The following TET3 variants were observed in gnomAD, a reference collection of about 807,000 sequenced individuals.
TET3 encodes the protein methylcytosine dioxygenase TET3.
A neutral mutation model predicts 141.4 loss-of-function variants in TET3; 19 were observed. That is an observed-to-expected ratio of 0.13 (90% CI 0.09 to 0.20). The LOEUF (loss-of-function observed/expected upper bound fraction) is 0.20. Ranked by LOEUF, TET3 falls within the 10% of genes least tolerant of loss-of-function variation. The pLI is 1.00. For synonymous variants in TET3, 1,043 were observed against 980.9 expected, an observed-to-expected ratio of 1.06 and a Z score of -1.18; for missense variants, 1,874 against 2,356.9, an observed-to-expected ratio of 0.80 and a Z score of 4.24.
At chr2:73,991,879 G>A (rs1684344240) in intron 2 of TET3, among the ~76,000 whole-genome samples, 2 of 151,808 alleles carry the variant, frequency 1.3e-5, no homozygotes, top group Middle Eastern at 3.4e-3. Context: ...GGAGAAAGGT[G>A]TTGGTGGGAC....
the TET3 span, among the ~76,000 whole-genome samples, chr2:74,124,401 G>A: frequency 2.6e-5 from 4 of 151,848 alleles, no homozygotes; most frequent in Non-Finnish European, 5.9e-5. Context: ...GGTGGGGGGC[G>A]CCTCTGCCCA....
At chr2:74,068,822 C>T (rs4852327) in intron 4 of TET3, among the ~76,000 whole-genome samples, 7 of 152,176 alleles carry the variant, frequency 4.6e-5, no homozygotes, top group African/African-American at 1.2e-4. Context: ...GAGCCATTTG[C>T]ATTTTTCAAG....
chr2:74,016,788 CTTT>C (rs1157485325), intron 3 of TET3, among the ~76,000 whole-genome samples: 21 of 122,454 alleles, frequency 1.7e-4, no homozygotes, highest in African/African-American at 2.7e-4. Flanking sequence ...GTTCTCCTGT[CTTT>C]TTTTTTTTTT....
downstream of TET3, among the ~76,000 whole-genome samples, chr2:74,108,802 A>C (rs976816307): frequency 1.3e-5 from 2 of 152,186 alleles, no homozygotes; most frequent in Non-Finnish European, 2.9e-5. Context: ...AAATTGATCC[A>C]GTGTCTTTGA....
chr2:74,076,443 T>G (rs1419677546), intron 5 of TET3, among the ~76,000 whole-genome samples: 3 of 16,674 alleles, frequency 1.8e-4, no homozygotes, highest in Admixed American at 3.7e-4. Flanking sequence ...TCCTCTGGGT[T>G]TTTTTTTTTT....
intron 1 of TET3, 99 bp downstream of exon 1, chr2:73,985,256 C>A: frequency 7.3e-6 from 1 of 136,182 alleles, no homozygotes; most frequent in South Asian, 2.2e-4. Context: ...CGGCCCGGAT[C>A]CGGCGGGGGG....
chr2:74,070,347 T>G (rs1416315829), intron 4 of TET3, among the ~76,000 whole-genome samples: 6 of 152,154 alleles, frequency 3.9e-5, no homozygotes, highest in Admixed American at 3.9e-4. Context: ...GGTTTCCCCT[T>G]ATCAAACCAT....
downstream of TET3, among the ~76,000 whole-genome samples, chr2:74,110,305 A>C (rs1472519215): frequency 2.0e-5 from 3 of 152,052 alleles, no homozygotes; most frequent in Non-Finnish European, 2.9e-5. Flanking sequence ...TTTGAATCTT[A>C]ATTTTGTCAA....
intron 4 of TET3, among the ~76,000 whole-genome samples, chr2:74,051,835 C>A (rs1218125238): frequency 6.6e-6 from 1 of 152,178 alleles, no homozygotes; most frequent in African/African-American, 2.4e-5. Context: ...TCTTAACCAC[C>A]ATGTCATATT....
At chr2:74,069,918 A>G (rs1455687605) in intron 4 of TET3, among the ~76,000 whole-genome samples, 2 of 152,022 alleles carry the variant, frequency 1.3e-5, no homozygotes, top group Non-Finnish European at 2.9e-5. Flanking sequence ...TTCTAATCAC[A>G]TTCCTCTCCC....
chr2:74,076,734 G>A (rs1339363338), intron 5 of TET3, among the ~76,000 whole-genome samples: 1 of 152,008 alleles, frequency 6.6e-6, no homozygotes, highest in Non-Finnish European at 1.5e-5. Flanking sequence ...CTGGGTAGGG[G>A]TCTAGTTTGT....
At chr2:74,094,772 G>T (rs1291941713) in intron 10 of TET3, among the ~76,000 whole-genome samples, 1 of 152,210 alleles carries the variant, frequency 6.6e-6, no homozygotes, top group African/African-American at 2.4e-5. Flanking sequence ...GCACTCCAAG[G>T]CTTTTTGCTT....
Position 74,093,059 on chromosome 2 carries a change from G to A in TET3, c.3129+68G>A. On this transcript the variant is annotated intron_variant, in intron 9 of 11. Coordinates refer to ENST00000409262, the MANE Select transcript of TET3 (RefSeq NM_001287491.2). This position sits in a 1 kb window ranked among gnomAD's most constrained non-coding sequence, Gnocchi z 4.2. ...ACATCTCTGCTCAGGCTCTGAAGGT[G>A]GGAAGTGGGAGAGTGGGCTCTTTTA... 1.4e-6 allele frequency: 2 copies of A among 1,425,874 alleles called. No individual in the cohort carries two copies. The highest frequency in any genetic ancestry group is 1.2e-5 in the South Asian group (1 of 81,326). The allele number at this position is 1,425,874 out of a possible 1,614,324, so 88.3% of individuals were successfully genotyped here. A position where few individuals can be genotyped will look rare whatever the true frequency, so the allele number is the denominator to read the frequency against.
At position 74,034,594 on chromosome 2, in the gene TET3, A is replaced by C. The variant is rs1049997627; in HGVS notation, c.361-11684A>C. 1.8e-3 allele frequency among the ~76,000 whole-genome samples: 269 copies of C among 148,306 alleles called. 1 individual carries two copies. The highest frequency in any genetic ancestry group is 6.5e-3 in the African/African-American group (255 of 39,218). Reference sequence around the variant, plus strand: ...ATTGATTAAAAAAAAAAAAAAAAAAACCCTGTTGTAGATTCTGGGATTCAT... The same window carrying C: ...ATTGATTAAAAAAAAAAAAAAAAAACCCCTGTTGTAGATTCTGGGATTCAT... On this transcript the variant is annotated intron_variant, in intron 3 of 11. Coordinates refer to ENST00000409262, the MANE Select transcript of TET3 (RefSeq NM_001287491.2).
At chr2:74,044,601 G>A (rs143671660) in intron 3 of TET3, among the ~76,000 whole-genome samples, 3 of 152,314 alleles carry the variant, frequency 2.0e-5, no homozygotes, top group African/African-American at 7.2e-5. Flanking sequence ...AGCCTCAGTC[G>A]TTTACCTTGG....
chr2:74,012,974 T>C (rs1003624615), intron 3 of TET3, among the ~76,000 whole-genome samples: 1 of 151,924 alleles, frequency 6.6e-6, no homozygotes, highest in African/African-American at 2.4e-5. Flanking sequence ...ATTCTTTGAA[T>C]ATACTATACT....
At position 74,048,013 on chromosome 2, in the gene TET3, C is replaced by G; in HGVS notation, c.2096C>G (p.Pro699Arg). ...MTALQPGSTG[P>R]LPPADDKLEE... ...GCCTTGCAGCCAGGCTCCACTGGCCCTCTTCCCCCTGCCGATGACAAGCTG... is the reference window on the plus strand; with the variant it reads ...GCCTTGCAGCCAGGCTCCACTGGCCGTCTTCCCCCTGCCGATGACAAGCTG... The change falls in exon 4 of 12, where the codon CCT becomes CGT. Residue 699 changes from proline to arginine, a missense_variant. This residue lies in a region of TET3 where 484 missense variants were observed against 462.2 expected (regional missense o/e 1.05). Transcript: ENST00000409262. 6.2e-7 allele frequency: 1 copy of G among 1,608,914 alleles called. No individual in the cohort carries two copies. The highest frequency in any genetic ancestry group is 8.5e-7 in the Non-Finnish European group (1 of 1,177,328).
intron 4 of TET3, among the ~76,000 whole-genome samples, chr2:74,059,547 G>A (rs760722319): frequency 6.6e-6 from 1 of 152,200 alleles, no homozygotes; most frequent in African/African-American, 2.4e-5. Flanking sequence ...GAGCCACCAT[G>A]CCTGACCTAT....
chr2:74,118,998 T>A, the TET3 span, among the ~76,000 whole-genome samples: 1 of 152,206 alleles, frequency 6.6e-6, no homozygotes, highest in Admixed American at 6.5e-5. Context: ...GCATGTAAGT[T>A]GTAGTTTCTT....
Sources: gnomAD v4.1 joint callset for allele counts (sites outside exome capture counted in the v4.1 genomes callset) on GRCh38, gnomAD v4.1.1 for gene constraint, gnomAD v4.1.1 regional missense constraint, Gnocchi (gnomAD v3.1) non-coding constraint, MANE v1.5 for transcripts, NCBI Gene and HGNC (gene_info 2026-07-23, HGNC 2026-07-21) for gene names.